Variants in DPYSL5 observed in about 807,000 individuals in gnomAD.
DPYSL5 encodes the protein dihydropyrimidinase-related protein 5.
DPYSL5 carries 9 observed loss-of-function variants against 58.4 expected under a neutral mutation model. The observed-to-expected ratio is 0.15, with a 90% CI of 0.09 to 0.27. DPYSL5 has a LOEUF of 0.27. Ranked by LOEUF, DPYSL5 falls within the 10% of genes least tolerant of loss-of-function variation. The probability of loss-of-function intolerance (pLI) is 1.00; values close to 1 mark genes in which losing one functional copy is unlikely to be tolerated. For synonymous variants in DPYSL5, 293 were observed against 301.9 expected (o/e 0.97, Z 0.31); for missense variants, 499 against 770.6 (o/e 0.65, Z 4.17).
intron 2 of DPYSL5, among the ~76,000 whole-genome samples, chr2:26,922,874 A>G (rs949345695): frequency 6.6e-6 from 1 of 152,192 alleles, no homozygotes; most frequent in African/African-American, 2.4e-5. Flanking sequence ...CAGCTCCTGC[A>G]GGTGCCACAG....
intron 5 of DPYSL5, among the ~76,000 whole-genome samples, chr2:26,929,153 C>T (rs975600806): frequency 6.6e-5 from 10 of 152,056 alleles, no homozygotes; most frequent in Admixed American, 2.6e-4. Context: ...ACTGCACATG[C>T]GAGGGATCTA....
rs1665399760 is a variant in DPYSL5 at position 26,944,120 on chromosome 2, C to G, written c.1441-536C>G. On this transcript the variant is annotated intron_variant, in intron 11 of 12. Coordinates refer to ENST00000288699, the MANE Select transcript of DPYSL5 (RefSeq NM_020134.4). This position sits in a 1 kb window ranked among gnomAD's most constrained non-coding sequence, Gnocchi z 4.4. ...GCTGGCCAAGATGGTGAAACCCCGTCTCTATTAAAAATACAAAAATTAGTC... is the reference window on the plus strand; with the variant it reads ...GCTGGCCAAGATGGTGAAACCCCGTGTCTATTAAAAATACAAAAATTAGTC... 6.6e-6 allele frequency among the ~76,000 whole-genome samples: 1 copy of G among 152,090 alleles called. No individual in the cohort carries two copies. Among genetic ancestry groups the G allele is most frequent in the African/African-American group, 2.4e-5 (1 of 41,396 alleles).
intron 1 of DPYSL5, among the ~76,000 whole-genome samples, chr2:26,873,380 C>T (rs914156480): frequency 6.6e-6 from 1 of 152,160 alleles, no homozygotes; most frequent in African/African-American, 2.4e-5. Context: ...ACCCCCCTGG[C>T]AATCAGTGAT....
In DPYSL5 at chr2:26,927,272, C is replaced by A; in HGVS notation, c.440C>A (p.Thr147Lys). The A allele has an allele frequency of 6.2e-7, 1 of 1,613,868 alleles. No individual in the cohort carries two copies. The highest frequency in any genetic ancestry group is 2.2e-5 in the East Asian group (1 of 44,886). ...WAPKVKAEME[T>K]LVREKGVNSF... ...CTCCAGGTGAAAGCAGAAATGGAGA[C>A]ACTGGTGAGGGAGAAGGGTGTCAAC... Residue 147 changes from threonine (T) to lysine (K), a missense_variant, in exon 4 of 13, where the codon ACA becomes AAA. By Grantham distance (78) the Thr-to-Lys change is moderately conservative (BLOSUM62 -1). This residue lies in a region of DPYSL5 where 404 missense variants were observed against 647.6 expected (regional missense o/e 0.62). Coordinates refer to ENST00000288699, the MANE Select transcript of DPYSL5 (RefSeq NM_020134.4). This position sits in a 1 kb window ranked among gnomAD's most constrained non-coding sequence, Gnocchi z 4.3.
chr2:26,851,554 T>C (rs1665755465), intron 1 of DPYSL5, among the ~76,000 whole-genome samples: 1 of 152,192 alleles, frequency 6.6e-6, no homozygotes, highest in South Asian at 2.1e-4. Context: ...TTCCCCTTAA[T>C]AGCTTCTCTG....
intron 2 of DPYSL5, among the ~76,000 whole-genome samples, chr2:26,923,011 C>G (rs1283687726): frequency 1.3e-5 from 2 of 152,208 alleles, no homozygotes; most frequent in African/African-American, 4.8e-5. Flanking sequence ...TGAGAGTTTT[C>G]ATTTTAATTG....
chr2:26,903,296 T>C (rs1664207694), intron 2 of DPYSL5, among the ~76,000 whole-genome samples: 1 of 152,212 alleles, frequency 6.6e-6, no homozygotes, highest in South Asian at 2.1e-4. Context: ...GGTCTCAAAC[T>C]CCTGACCTCG....
At chr2:26,923,118 A>G (rs1664743399) in intron 2 of DPYSL5, among the ~76,000 whole-genome samples, 1 of 152,190 alleles carries the variant, frequency 6.6e-6, no homozygotes, top group Non-Finnish European at 1.5e-5. Context: ...GAAGCATGAA[A>G]CCATTAAGAC....
chr2:26,932,181 A>AAGAC (rs1169400710), intron 6 of DPYSL5, among the ~76,000 whole-genome samples: 1,043 of 75,002 alleles, frequency 0.014, 17 homozygotes, highest in Middle Eastern at 0.025. Context: ...GAAAGAAAGA[A>AAGAC]AGAAAGAAAG....
At chr2:26,901,811 G>GGCA (rs1558338341) in intron 2 of DPYSL5, among the ~76,000 whole-genome samples, 1 of 117,618 alleles carries the variant, frequency 8.5e-6, no homozygotes, top group Non-Finnish European at 1.6e-5. Flanking sequence ...TTGTTGATTT[G>GGCA]GCAGCAGCAG....
intron 9 of DPYSL5, among the ~76,000 whole-genome samples, chr2:26,941,608 T>C (rs1362646490): frequency 1.3e-5 from 2 of 152,208 alleles, no homozygotes; most frequent in African/African-American, 4.8e-5. Flanking sequence ...TTTGAAAATA[T>C]CACCCTTAGT....
At position 26,933,649 on chromosome 2, in the gene DPYSL5, G is replaced by T. The variant is rs1198578587; in HGVS notation, c.790+316G>T. On this transcript the variant is annotated intron_variant, in intron 7 of 12. Coordinates refer to ENST00000288699, the MANE Select transcript of DPYSL5 (RefSeq NM_020134.4). This position sits in a 1 kb window ranked among gnomAD's most constrained non-coding sequence, Gnocchi z 4.2. Reference sequence around the variant, plus strand: ...TAATTAGTGTCTTTTTGGCCTCATAGATTTTACTAGCAGTTGCCTTGGCAA... The same window carrying T: ...TAATTAGTGTCTTTTTGGCCTCATATATTTTACTAGCAGTTGCCTTGGCAA... 2.0e-5 allele frequency among the ~76,000 whole-genome samples: 3 copies of T among 152,206 alleles called. No individual in the cohort carries two copies. Among genetic ancestry groups the T allele is most frequent in the Non-Finnish European group, 1.5e-5 (1 of 68,030 alleles).
At chr2:26,854,074 A>G (rs1037064797) in intron 1 of DPYSL5, among the ~76,000 whole-genome samples, 1 of 152,170 alleles carries the variant, frequency 6.6e-6, no homozygotes, top group African/African-American at 2.4e-5. Flanking sequence ...CTGATTATAG[A>G]TGTTAACCAC....
chr2:26,932,151 G>GAT (rs1665026957), intron 6 of DPYSL5, among the ~76,000 whole-genome samples: 8 of 46,752 alleles, frequency 1.7e-4, no homozygotes, highest in African/African-American at 6.3e-4. Context: ...AAGAAAGAAA[G>GAT]AAAGAAAGAA....
intron 1 of DPYSL5, among the ~76,000 whole-genome samples, chr2:26,857,238 G>A (rs1665901239): frequency 6.6e-6 from 1 of 151,880 alleles, no homozygotes; most frequent in Admixed American, 6.6e-5. Flanking sequence ...TGATTTCTGT[G>A]GCTTAAAAAA....
intron 1 of DPYSL5, among the ~76,000 whole-genome samples, chr2:26,894,762 G>A (rs1423809095): frequency 5.9e-5 from 9 of 152,070 alleles, no homozygotes; most frequent in Admixed American, 4.6e-4. Context: ...AGATCTTGAC[G>A]ACTGTATACA....
At chr2:26,890,397 C>G (rs368336870) in intron 1 of DPYSL5, among the ~76,000 whole-genome samples, 23 of 152,204 alleles carry the variant, frequency 1.5e-4, no homozygotes, top group East Asian at 1.2e-3. Context: ...TCCAAAAGCA[C>G]CCTGGGTAGG....
intron 2 of DPYSL5, among the ~76,000 whole-genome samples, chr2:26,903,203 G>A (rs1410199594): frequency 6.6e-6 from 1 of 152,082 alleles, no homozygotes; most frequent in Admixed American, 6.6e-5. Context: ...CTGAGTAGCT[G>A]AGATTACAGG....
chr2:26,926,774 A>G (rs1304783693), intron 3 of DPYSL5, among the ~76,000 whole-genome samples: 1 of 152,190 alleles, frequency 6.6e-6, no homozygotes, highest in Non-Finnish European at 1.5e-5. Flanking sequence ...TGTTTTTCCT[A>G]GTACAAATAA....
Sources: gnomAD v4.1 joint callset for allele counts (sites outside exome capture counted in the v4.1 genomes callset) on GRCh38, gnomAD v4.1.1 for gene constraint, gnomAD v4.1.1 regional missense constraint, Gnocchi (gnomAD v3.1) non-coding constraint, MANE v1.5 for transcripts, NCBI Gene and HGNC (gene_info 2026-07-23, HGNC 2026-07-21) for gene names.